The following SLC35F3 variants were observed in gnomAD, a reference collection of about 807,000 sequenced individuals.
The protein encoded by SLC35F3 is solute carrier family 35 member F3.
In SLC35F3, 25 loss-of-function variants were observed where a neutral mutation model predicts 49.9. The ratio of observed to expected loss-of-function variants is 0.50; its 90% CI spans 0.37 to 0.70. SLC35F3 has a LOEUF of 0.70. Ranked by LOEUF, SLC35F3 falls within the 30% of genes least tolerant of loss-of-function variation. The probability of loss-of-function intolerance (pLI) is 0.00; values close to 1 mark genes in which losing one functional copy is unlikely to be tolerated. For missense variants in SLC35F3, 525 were observed against 639.8 expected (o/e 0.82, Z 1.94); for synonymous variants, 275 against 265.4 (o/e 1.04, Z -0.35).
chr1:233,974,130 C>G (rs752456400), intron 2 of SLC35F3, among the ~76,000 whole-genome samples: 1 of 148,618 alleles, frequency 6.7e-6, no homozygotes. Context: ...GCTAAACCCA[C>G]TCTTGGGCAG....
At chr1:233,922,334 C>T (rs1662077093) in intron 2 of SLC35F3, among the ~76,000 whole-genome samples, 1 of 152,134 alleles carries the variant, frequency 6.6e-6, no homozygotes. Context: ...GATCGCCATT[C>T]TAACTGGTGT....
rs375209540 is a variant in SLC35F3 at position 234,271,890 on chromosome 1, G to A, written c.609-37211G>A. ...CTGTAATCCCAGAACTTTGGGAGGC[G>A]AAGGTGGGTGGATCGCTTGAGTCCA... is the stretch of plus-strand genomic sequence containing the variant. On this transcript the variant is annotated intron_variant, in intron 3 of 7. Transcript: ENST00000366618. Among the ~76,000 whole-genome samples, 7 of 152,220 alleles carry A rather than the reference G, an allele frequency of 4.6e-5. No individual in the cohort carries two copies. In the East Asian group the frequency reaches 5.8e-4, roughly 13 times the overall value.
chr1:234,056,510 G>C (rs1664458943), intron 2 of SLC35F3, among the ~76,000 whole-genome samples: 1 of 152,086 alleles, frequency 6.6e-6, no homozygotes, highest in South Asian at 2.1e-4. Flanking sequence ...CATACCCCTA[G>C]TTTTACTTGC....
intron 3 of SLC35F3, among the ~76,000 whole-genome samples, chr1:234,270,750 G>A (rs143098833): frequency 2.0e-4 from 31 of 152,338 alleles, no homozygotes; most frequent in African/African-American, 7.5e-4. Context: ...ATTGTTTCAG[G>A]CATCACTCTT....
chr1:234,184,211 A>T (rs1034014891), intron 2 of SLC35F3, among the ~76,000 whole-genome samples: 6 of 151,862 alleles, frequency 4.0e-5, no homozygotes, highest in African/African-American at 1.5e-4. Flanking sequence ...ATTACTTAGG[A>T]ACCATAATGA....
At chr1:233,919,848 T>C (rs1329967332) in intron 2 of SLC35F3, among the ~76,000 whole-genome samples, 5 of 152,124 alleles carry the variant, frequency 3.3e-5, no homozygotes, top group African/African-American at 1.2e-4. Context: ...AGTTGCTGTA[T>C]CACTGCTCCC....
chr1:234,111,793 A>C (rs1052797490), intron 2 of SLC35F3, among the ~76,000 whole-genome samples: 2 of 152,240 alleles, frequency 1.3e-5, no homozygotes, highest in Non-Finnish European at 2.9e-5. Context: ...GCTGAGAATT[A>C]TGCTAAGGAA....
intron 2 of SLC35F3, among the ~76,000 whole-genome samples, chr1:233,955,541 C>T (rs543218634): frequency 5.3e-5 from 8 of 152,150 alleles, no homozygotes; most frequent in African/African-American, 1.7e-4. Flanking sequence ...CCAGAGGACA[C>T]GTATGAGGAT....
intron 3 of SLC35F3, among the ~76,000 whole-genome samples, chr1:234,275,763 A>AATATAT (rs202037675): frequency 5.2e-5 from 7 of 135,532 alleles, no homozygotes; most frequent in African/African-American, 2.0e-4. Context: ...AAAAAAAAAA[A>AATATAT]ATATATATAT....
intron 2 of SLC35F3, among the ~76,000 whole-genome samples, chr1:234,145,388 T>A (rs1665981639): frequency 6.6e-6 from 1 of 152,178 alleles, no homozygotes; most frequent in Non-Finnish European, 1.5e-5. Context: ...CTGCTTCTTT[T>A]TTTCTGCTTG....
intron 2 of SLC35F3, among the ~76,000 whole-genome samples, chr1:234,171,314 A>C (rs1471188): frequency 0.93 from 141,787 of 152,168 alleles, 66,869 homozygotes; most frequent in East Asian, 1. Flanking sequence ...GTCTGGGATG[A>C]GGCTGGGACA....
intron 2 of SLC35F3, among the ~76,000 whole-genome samples, chr1:233,991,400 T>C (rs1284146150): frequency 6.6e-6 from 1 of 151,456 alleles, no homozygotes; most frequent in Non-Finnish European, 1.5e-5. Flanking sequence ...TGGGAATACT[T>C]AGCTCATCAG....
chr1:234,270,432 G>A (rs1558092851), intron 3 of SLC35F3, among the ~76,000 whole-genome samples: 1 of 152,170 alleles, frequency 6.6e-6, no homozygotes, highest in African/African-American at 2.4e-5. Context: ...TAAATCTATT[G>A]TTGTTTACAT....
chr1:234,207,599 T>C (rs1301251489), intron 2 of SLC35F3, among the ~76,000 whole-genome samples: 1 of 151,710 alleles, frequency 6.6e-6, no homozygotes, highest in Non-Finnish European at 1.5e-5. Context: ...CCTAGGAGAT[T>C]ACCTAGTTGG....
intron 2 of SLC35F3, among the ~76,000 whole-genome samples, chr1:234,177,316 T>C (rs1666490871): frequency 6.6e-6 from 1 of 152,178 alleles, no homozygotes; most frequent in African/African-American, 2.4e-5. Context: ...CAGGTATGTC[T>C]TTATCAGCAG....
chr1:234,279,235 C>T (rs113084065), intron 3 of SLC35F3, among the ~76,000 whole-genome samples: 1 of 152,088 alleles, frequency 6.6e-6, no homozygotes, highest in African/African-American at 2.4e-5. Context: ...TTCTGATGAG[C>T]CTCTCCAAAG....
intron 2 of SLC35F3, among the ~76,000 whole-genome samples, chr1:234,015,958 G>T (rs907367283): frequency 6.6e-6 from 1 of 152,062 alleles, no homozygotes; most frequent in Non-Finnish European, 1.5e-5. Context: ...TCAATAGCAA[G>T]AAAACAAATA....
chr1:234,094,974 C>T (rs1325263970), intron 2 of SLC35F3, among the ~76,000 whole-genome samples: 2 of 152,200 alleles, frequency 1.3e-5, no homozygotes, highest in African/African-American at 4.8e-5. Flanking sequence ...TTAGTACTTA[C>T]TACTTCCTTT....
intron 2 of SLC35F3, among the ~76,000 whole-genome samples, chr1:234,109,142 T>TG (rs141895683): frequency 0.095 from 14,397 of 152,132 alleles, 1,273 homozygotes; most frequent in African/African-American, 0.23. Context: ...ATGTGTGCAT[T>TG]GTTTGCAGTA....
Sources: allele counts gnomAD v4.1 joint callset (sites outside exome capture counted in the v4.1 genomes callset), GRCh38; gene constraint gnomAD v4.1.1; transcripts MANE v1.5; gene names NCBI Gene and HGNC (gene_info 2026-07-23, HGNC 2026-07-21).